Variants in MTX1 observed in about 807,000 individuals in gnomAD.
MTX1 encodes the protein metaxin-1.
MTX1 carries 20 observed loss-of-function variants against 39.4 expected under a neutral mutation model. The observed-to-expected ratio is 0.51, with a 90% CI of 0.36 to 0.74. The LOEUF (loss-of-function observed/expected upper bound fraction) is 0.74. MTX1 is among the 30% of genes least tolerant of loss of function. The pLI, the probability that MTX1 is intolerant of heterozygous loss-of-function variation, is 0.00. For synonymous variants in MTX1, 209 were observed against 198.6 expected (o/e 1.05, Z -0.44); for missense variants, 481 against 485.9 (o/e 0.99, Z 0.10).
intron 3 of MTX1, chr1:155,211,780 G>A: frequency 5.3e-6 from 1 of 188,312 alleles, no homozygotes; most frequent in Admixed American, 5.5e-5. Flanking sequence ...GCTTTGTGGT[G>A]TCTGGGTCGG....
chr1:155,210,393 C>T lies in MTX1; in HGVS notation c.576C>T (p.Ser192=), dbSNP rs2148053909. 1 of 1,614,224 alleles carries T rather than the reference C, an allele frequency of 6.2e-7. No homozygotes were observed. The highest frequency in any genetic ancestry group is 1.7e-4 in the Middle Eastern group (1 of 6,060). Reference sequence around the variant, plus strand: ...CTCCACTGAAGGTACACAAGATCAGCAACCCCTGGCAGAGCCCTTCAGGTA... The same window carrying T: ...CTCCACTGAAGGTACACAAGATCAGTAACCCCTGGCAGAGCCCTTCAGGTA... ...TGAPLKVHKI[S]NPWQSPSGTL... Residue 192 remains serine, a synonymous_variant, in exon 2 of 8, where the codon AGC becomes AGT. Transcript: ENST00000368376.
chr1:155,209,152 C>G lies in MTX1; in HGVS notation c.348C>G (p.Pro116=). The G allele has an allele frequency of 6.6e-7, 1 of 1,517,424 alleles. No homozygotes were observed. The highest frequency in any genetic ancestry group is 2.5e-5 in the East Asian group (1 of 40,064). 94.0% of individuals were successfully genotyped at this position (1,517,424 alleles called of 1,614,324 possible). ...SLASPGISPG[P]LTATIGGAVA... ...CCTCCCCGGGGATCTCCCCAGGCCC[C>G]CTGACCGCAACGATCGGAGGGGCGG... Residue 116 remains proline, a synonymous_variant, in exon 1 of 8, where the codon CCC becomes CCG. Coordinates refer to ENST00000368376, the MANE Select transcript of MTX1 (RefSeq NM_002455.5).
intron 3 of MTX1, chr1:155,211,346 GA>G (rs1416056584): frequency 6.6e-6 from 1 of 152,494 alleles, no homozygotes; most frequent in Non-Finnish European, 1.5e-5. Flanking sequence ...GGTGTGAACA[GA>G]GCTTTTCCAG....
chr1:155,213,083 C>G (rs1473845166), intron 6 of MTX1, among the ~76,000 whole-genome samples, 154 bp from the exon 7 acceptor site: 1 of 150,322 alleles, frequency 6.7e-6, no homozygotes, highest in Non-Finnish European at 1.5e-5. Context: ...GGATCTCTCC[C>G]CATACCAGGT....
chr1:155,209,410 T>G, intron 1 of MTX1, 78 bp downstream of exon 1: 2 of 1,328,760 alleles, frequency 1.5e-6, no homozygotes, highest in Non-Finnish European at 1.9e-6. Context: ...ATCCAAACCT[T>G]GCCAGGGCTA....
At chr1:155,210,243 T>G (rs1671065170) in intron 1 of MTX1, 103 bp from the exon 2 acceptor site, 5 of 1,002,374 alleles carry the variant, frequency 5.0e-6, no homozygotes, top group Non-Finnish European at 7.8e-6. Flanking sequence ...ATACTAAGTA[T>G]AGGGAATGGC....
chr1:155,213,599 C>T lies in MTX1; in HGVS notation c.1302C>T (p.Tyr434=). 4.3e-5 allele frequency: 4 copies of T among 92,194 alleles called. No homozygotes were observed. The highest frequency in any genetic ancestry group is 2.1e-4 in the East Asian group (1 of 4,758). 5.7% of individuals were successfully genotyped at this position (92,194 alleles called of 1,614,324 possible). A position where few individuals can be genotyped will look rare whatever the true frequency, so the allele number is the denominator to read the frequency against. Residue 434 remains tyrosine (Y), a synonymous_variant, in exon 8 of 8, where the codon TAC becomes TAT. Coordinates refer to ENST00000368376, the MANE Select transcript of MTX1 (RefSeq NM_002455.5). The part of the protein sequence containing the change: ...VLAGLAAMVG[Y]ALLSGIVSIQ... Reference sequence around the variant, plus strand: ...CAGGACTGGCAGCCATGGTGGGCTACGCCTTGCTCAGCGGCATTGTCTCCA... The same window carrying T: ...CAGGACTGGCAGCCATGGTGGGCTATGCCTTGCTCAGCGGCATTGTCTCCA...
At chr1:155,209,794 G>T (rs902846928) in intron 1 of MTX1, among the ~76,000 whole-genome samples, 1 of 152,150 alleles carries the variant, frequency 6.6e-6, no homozygotes, top group South Asian at 2.1e-4. Flanking sequence ...TTTGTATAAA[G>T]AGCTTAGCAA....
chr1:155,209,365 C>T, intron 1 of MTX1, 33 bp downstream of exon 1: 2 of 1,390,430 alleles, frequency 1.4e-6, no homozygotes, highest in South Asian at 3.5e-5. Flanking sequence ...TCTGCTGTGC[C>T]CTGATGACTG....
rs1571944585 is a variant in MTX1 at position 155,209,348 on chromosome 1, G to T, written c.528+16G>T. The T allele has an allele frequency of 1.4e-6, 2 of 1,413,478 alleles. No individual in the cohort carries two copies. Among genetic ancestry groups the T allele is most frequent in the East Asian group, 5.1e-5 (2 of 39,124 alleles). The allele number at this position is 1,413,478 out of a possible 1,614,324, so 87.6% of individuals were successfully genotyped here. A position where few individuals can be genotyped will look rare whatever the true frequency, so the allele number is the denominator to read the frequency against. On this transcript the variant is annotated intron_variant, in intron 1 of 7. Coordinates refer to ENST00000368376, the MANE Select transcript of MTX1 (RefSeq NM_002455.5). ...GGCCGTGCTGGTGAGGGGTGGCGCC[G>T]GCGCCCTCTGCTGTGCCCTGATGAC...
In MTX1 at chr1:155,210,721, A is replaced by G. The variant is rs1671104790; in HGVS notation, c.678+94A>G. 4.3e-6 allele frequency: 5 copies of G among 1,166,384 alleles called. No homozygotes were observed. The South Asian group carries it at 6.4e-5, about 15-fold the overall frequency. 72.3% of individuals were successfully genotyped at this position (1,166,384 alleles called of 1,614,324 possible). On this transcript the variant is annotated intron_variant, in intron 3 of 7. Coordinates refer to ENST00000368376, the MANE Select transcript of MTX1 (RefSeq NM_002455.5). The stretch of plus-strand genomic sequence containing the variant: ...TTGAGCACCAGATATATGCCATGCT[A>G]GATGCAGGTGACCCAGAGCATCAAG...
chr1:155,212,078 G>T, intron 3 of MTX1, 49 bp from the exon 4 acceptor site: 7 of 1,516,102 alleles, frequency 4.6e-6, no homozygotes, highest in Non-Finnish European at 6.3e-6. Context: ...CCCTGGTGAA[G>T]TGCCCTTGCA....
rs772065889 is a variant in MTX1, at chr1:155,210,379, G to A, written c.562G>A (p.Val188Ile). The A allele has an allele frequency of 2.0e-5, 32 of 1,614,178 alleles. No homozygotes were observed. In the Middle Eastern group the frequency reaches 4.9e-4, roughly 25 times the overall value. ...CAGATTTACTGGTGCTCCACTGAAG[G>A]TACACAAGATCAGCAACCCCTGGCA... ...YARFTGAPLKVHKISNPWQSP... is the reference protein window; with the variant it reads ...YARFTGAPLKIHKISNPWQSP... The change falls in exon 2 of 8, where the codon GTA becomes ATA. Residue 188 changes from valine (V) to isoleucine (I), a missense_variant. Physicochemically the swap from Val to Ile is conservative, Grantham distance 29 (BLOSUM62 3). Coordinates refer to ENST00000368376, the MANE Select transcript of MTX1 (RefSeq NM_002455.5).
Position 155,209,110 on chromosome 1 carries a change from G to A in MTX1, c.306G>A (p.Arg102=). The change falls in exon 1 of 8, where the codon CGG becomes CGA. Residue 102 remains arginine (R), a synonymous_variant. Coordinates refer to ENST00000368376, the MANE Select transcript of MTX1 (RefSeq NM_002455.5). ...GPVPRSSAAS[R]ARRSLASPGI... is the part of the protein sequence containing the mutation. ...TCCCCCGCAGTTCAGCTGCCAGTCG[G>A]GCCAGAAGAAGCCTCGCCTCCCCGG... 1 of 1,543,136 alleles carries A rather than the reference G, an allele frequency of 6.5e-7. No homozygotes were observed.
At chr1:155,211,003 G>A (rs2148054796) in intron 3 of MTX1, 1 of 305,340 alleles carries the variant, frequency 3.3e-6, no homozygotes, top group East Asian at 8.8e-5. Context: ...TGGAGAAGAT[G>A]AAAGAGCATT....
chr1:155,212,531 G>C lies in MTX1; in HGVS notation c.918G>C (p.Glu306Asp), dbSNP rs769603520. The C allele has an allele frequency of 9.9e-6, 16 of 1,613,410 alleles. No individual in the cohort carries two copies. In the Admixed American group the frequency reaches 2.2e-4, roughly 22 times the overall value. Residue 306 changes from glutamate (E) to aspartate (D), a missense_variant, in exon 5 of 8, where the codon GAG (glutamate) becomes GAC (aspartate). Glu to Asp is a conservative substitution (Grantham distance 45, BLOSUM62 2). Transcript: ENST00000368376. ...AACGGCTACAGCTGCTGACTGGGGAGCACAGGCCTGAGGACGAGGAAGAGC... is the reference window on the plus strand; with the variant it reads ...AACGGCTACAGCTGCTGACTGGGGACCACAGGCCTGAGGACGAGGAAGAGC... Reference protein sequence around the residue: ...YMERLQLLTGEHRPEDEEELE... With the variant: ...YMERLQLLTGDHRPEDEEELE...
At position 155,210,400 on chromosome 1, in the gene MTX1, T is replaced by G. The variant is rs1671075193; in HGVS notation, c.583T>G (p.Trp195Gly). Reference protein sequence around the residue: ...PLKVHKISNPWQSPSGTLPAL... With the variant: ...PLKVHKISNPGQSPSGTLPAL... ...GAAGGTACACAAGATCAGCAACCCCTGGCAGAGCCCTTCAGGTACCCAGTA... is the reference window on the plus strand; with the variant it reads ...GAAGGTACACAAGATCAGCAACCCCGGGCAGAGCCCTTCAGGTACCCAGTA... Residue 195 changes from tryptophan (W) to glycine (G), a missense_variant, in exon 2 of 8, where the codon TGG becomes GGG. Transcript: ENST00000368376. 4.3e-6 allele frequency: 7 copies of G among 1,614,192 alleles called. No homozygotes were observed. The highest frequency in any genetic ancestry group is 5.9e-6 in the Non-Finnish European group (7 of 1,180,008).
chr1:155,208,907 T>C lies in MTX1; in HGVS notation c.103T>C (p.Trp35Arg). The change falls in exon 1 of 8, where the codon TGG becomes CGG. Residue 35 changes from tryptophan (W) to arginine (R), a missense_variant. Coordinates refer to ENST00000368376, the MANE Select transcript of MTX1 (RefSeq NM_002455.5). Reference sequence around the variant, plus strand: ...GCAGTTTGGCAAGAGCCCCCAGACCTGGCCCAGGCGCACAAGACCCCGCTC... The same window carrying C: ...GCAGTTTGGCAAGAGCCCCCAGACCCGGCCCAGGCGCACAAGACCCCGCTC... ...HVQFGKSPQT[W>R]PRRTRPRSPE... 3.1e-6 allele frequency: 5 copies of C among 1,611,570 alleles called. No individual in the cohort carries two copies. Among genetic ancestry groups the C allele is most frequent in the Non-Finnish European group, 4.2e-6 (5 of 1,179,636 alleles).
intron 3 of MTX1, chr1:155,211,714 T>C (rs370313433): frequency 2.8e-4 from 44 of 157,128 alleles, no homozygotes; most frequent in Middle Eastern, 3.4e-3. Flanking sequence ...GATGGCTTTC[T>C]CTGGTTCCTG....
Sources: gnomAD v4.1 joint callset for allele counts (sites outside exome capture counted in the v4.1 genomes callset) on GRCh38, gnomAD v4.1.1 for gene constraint, MANE v1.5 for transcripts, NCBI Gene and HGNC (gene_info 2026-07-23, HGNC 2026-07-21) for gene names.